Variants in ANKIB1 observed in about 807,000 individuals in gnomAD.
ANKIB1 encodes ankyrin repeat and IBR domain containing 1.
In ANKIB1, 43 loss-of-function variants were observed where a neutral mutation model predicts 122.1. That is an observed-to-expected ratio of 0.35 (90% confidence interval 0.28 to 0.45). The LOEUF (loss-of-function observed/expected upper bound fraction) is 0.45, where lower values mean the gene tolerates loss of function less well. Among genes scored for constraint, ANKIB1 ranks in the 20% least tolerant of loss-of-function variants. The probability of loss-of-function intolerance (pLI) is 1.00; values close to 1 mark genes in which losing one functional copy is unlikely to be tolerated. For synonymous variants in ANKIB1, 390 were observed against 442.0 expected, an observed-to-expected ratio of 0.88 and a Z score of 1.48; for missense variants, 992 against 1,329.5, an observed-to-expected ratio of 0.75 and a Z score of 3.95.
chr7:92,294,810 TTA>T (rs1802318711), intron 1 of ANKIB1, 77 bp from the exon 2 acceptor site: 2 of 516,160 alleles, frequency 3.9e-6, no homozygotes, highest in South Asian at 9.7e-5. Flanking sequence ...CAGATTTTTT[TTA>T]GTGTTCCTAA....
intron 1 of ANKIB1, among the ~76,000 whole-genome samples, chr7:92,281,441 G>C (rs1802010957): frequency 6.6e-6 from 1 of 152,138 alleles, no homozygotes; most frequent in Non-Finnish European, 1.5e-5. Flanking sequence ...CTTGCAAGAG[G>C]CTTTTCTAAG....
intron 1 of ANKIB1, among the ~76,000 whole-genome samples, chr7:92,248,146 G>A (rs1801238324): frequency 6.6e-6 from 1 of 152,142 alleles, no homozygotes; most frequent in South Asian, 2.1e-4. Context: ...TCTTGGAGAA[G>A]TCTTAGAAAA....
At chr7:92,384,415 C>G (rs1433067679) in intron 11 of ANKIB1, among the ~76,000 whole-genome samples, 1 of 152,164 alleles carries the variant, frequency 6.6e-6, no homozygotes, top group Non-Finnish European at 1.5e-5. Context: ...CAAAAAAGAT[C>G]CCACATTGCC....
At position 92,338,497 on chromosome 7, in the gene ANKIB1, T is replaced by C. The variant is rs116540920; in HGVS notation, c.788-4527T>C. Among the ~76,000 whole-genome samples the C allele has an allele frequency of 9.7e-3, 1,476 of 152,238 alleles. 31 individuals are homozygous for C. The highest frequency in any genetic ancestry group is 0.034 in the African/African-American group (1,407 of 41,528). ...AAATGTTTGAGTTATGTGTATATAA[T>C]TGTTTTTAATAATTCTGCATTTTAC... On this transcript the variant is annotated intron_variant, in intron 5 of 19. Coordinates refer to ENST00000265742, the MANE Select transcript of ANKIB1 (RefSeq NM_019004.2).
At chr7:92,387,649 C>G in intron 12 of ANKIB1, 149 bp from the exon 13 acceptor site, 1 of 556,466 alleles carries the variant, frequency 1.8e-6, no homozygotes. Flanking sequence ...AAAAAAAAAA[C>G]AAGTATTGTT....
intron 5 of ANKIB1, among the ~76,000 whole-genome samples, chr7:92,338,892 A>G (rs1803354955): frequency 9.0e-6 from 1 of 110,786 alleles, no homozygotes; most frequent in Non-Finnish European, 1.7e-5. Flanking sequence ...AGCCTGGGCG[A>G]CAGAGTGAGA....
In ANKIB1 at chr7:92,380,256, C is replaced by T. The variant is rs546189824; in HGVS notation, c.1618-6253C>T. 2.4e-3 allele frequency among the ~76,000 whole-genome samples: 358 copies of T among 152,328 alleles called. 2 individuals are homozygous for T. Among genetic ancestry groups the T allele is most frequent in the African/African-American group, 8.1e-3 (337 of 41,584 alleles). Reference sequence around the variant, plus strand: ...AGCTCAAACTGGGTGGAGCCCACCACAGCTCAACAAGGCCCCCCTGCTTCT... The same window carrying T: ...AGCTCAAACTGGGTGGAGCCCACCATAGCTCAACAAGGCCCCCCTGCTTCT... On this transcript the variant is annotated intron_variant, in intron 11 of 19. Coordinates refer to ENST00000265742, the MANE Select transcript of ANKIB1 (RefSeq NM_019004.2).
At chr7:92,286,110 A>G (rs1035624465) in intron 1 of ANKIB1, among the ~76,000 whole-genome samples, 1 of 152,218 alleles carries the variant, frequency 6.6e-6, no homozygotes, top group African/African-American at 2.4e-5. Flanking sequence ...CCCATGCCCT[A>G]ATAGAGGCCA....
At chr7:92,266,265 A>G (rs1427548156) in intron 1 of ANKIB1, among the ~76,000 whole-genome samples, 1 of 152,230 alleles carries the variant, frequency 6.6e-6, no homozygotes, top group Non-Finnish European at 1.5e-5. Flanking sequence ...TGATATGATC[A>G]GCGTCCAGTT....
chr7:92,334,193 A>G (rs974652960), intron 5 of ANKIB1, among the ~76,000 whole-genome samples: 5 of 152,118 alleles, frequency 3.3e-5, no homozygotes, highest in African/African-American at 7.2e-5. Flanking sequence ...TGAATTCCTT[A>G]TGTGTTGTAA....
intron 1 of ANKIB1, among the ~76,000 whole-genome samples, chr7:92,246,847 C>G (rs989101408): frequency 6.6e-6 from 1 of 152,160 alleles, no homozygotes; most frequent in African/African-American, 2.4e-5. Context: ...TCCTTTGAGA[C>G]GTGGAAAGCC....
intron 3 of ANKIB1, among the ~76,000 whole-genome samples, chr7:92,312,447 T>C (rs1203844044): frequency 2.6e-5 from 4 of 152,190 alleles, no homozygotes; most frequent in Non-Finnish European, 5.9e-5. Context: ...AAAGCCCAGA[T>C]AGTAAATATT....
At chr7:92,326,878 A>G (rs1051001100) in intron 4 of ANKIB1, among the ~76,000 whole-genome samples, 2 of 151,948 alleles carry the variant, frequency 1.3e-5, no homozygotes, top group African/African-American at 4.8e-5. Context: ...CGGCATGTTT[A>G]TAGCACACTA....
Position 92,294,991 on chromosome 7 carries a change from A to G in ANKIB1, c.13A>G (p.Thr5Ala), listed in dbSNP as rs775308347. 8.1e-6 allele frequency: 13 copies of G among 1,598,878 alleles called. No homozygotes were observed. Among genetic ancestry groups the G allele is most frequent in the Admixed American group, 1.7e-5 (1 of 58,168 alleles). Residue 5 changes from threonine (T) to alanine (A), a missense_variant, in exon 2 of 20, where the codon ACC (threonine) becomes GCC (alanine). By Grantham distance (58) the Thr-to-Ala change is moderately conservative. Around this residue, in one of 4 missense-constraint regions of ANKIB1, gnomAD observed 54 missense variants for 112.3 expected, o/e 0.48. Coordinates refer to ENST00000265742, the MANE Select transcript of ANKIB1 (RefSeq NM_019004.2). Reference protein sequence around the residue: MGNTTTKFRKALING... With the variant: MGNTATKFRKALING... Reference sequence around the variant, plus strand: ...AACAAAACAAAACATGGGAAATACAACCACCAAATTCCGTAAAGCACTCAT... The same window carrying G: ...AACAAAACAAAACATGGGAAATACAGCCACCAAATTCCGTAAAGCACTCAT...
At chr7:92,254,775 G>A (rs1267995604) in intron 1 of ANKIB1, among the ~76,000 whole-genome samples, 1 of 151,960 alleles carries the variant, frequency 6.6e-6, no homozygotes, top group Non-Finnish European at 1.5e-5. Context: ...GTTTGCTTTT[G>A]TTTTAGTTTA....
At chr7:92,329,246 G>A (rs1294947122) in intron 5 of ANKIB1, among the ~76,000 whole-genome samples, 1 of 152,062 alleles carries the variant, frequency 6.6e-6, no homozygotes, top group Non-Finnish European at 1.5e-5. Flanking sequence ...GATTACAGGC[G>A]TGAGTCACCG....
At chr7:92,343,711 T>A (rs1803479813) in intron 6 of ANKIB1, among the ~76,000 whole-genome samples, 1 of 152,182 alleles carries the variant, frequency 6.6e-6, no homozygotes, top group Admixed American at 6.6e-5. Context: ...TATAAAAAGA[T>A]AAGTTTGTGA....
intron 14 of ANKIB1, among the ~76,000 whole-genome samples, chr7:92,389,489 AT>A (rs1215778105): frequency 3.3e-5 from 5 of 152,142 alleles, no homozygotes; most frequent in African/African-American, 1.2e-4. Context: ...AGGATTAGTT[AT>A]CTAGTTGTTT....
At chr7:92,270,924 A>G (rs1245599766) in intron 1 of ANKIB1, among the ~76,000 whole-genome samples, 1 of 151,824 alleles carries the variant, frequency 6.6e-6, no homozygotes, top group Non-Finnish European at 1.5e-5. Flanking sequence ...TCTGTTAATG[A>G]CAGTCTCTTT....
Sources: gnomAD v4.1 joint callset for allele counts (sites outside exome capture counted in the v4.1 genomes callset) on GRCh38, gnomAD v4.1.1 for gene constraint, gnomAD v4.1.1 regional missense constraint, MANE v1.5 for transcripts, NCBI Gene and HGNC (gene_info 2026-07-23, HGNC 2026-07-21) for gene names.